NAALADL2: variants seen among roughly 807,000 people sequenced by gnomAD.
The protein encoded by NAALADL2 is N-acetylated alpha-linked acidic dipeptidase like 2, also known as inactive N-acetylated-alpha-linked acidic dipeptidase-like protein 2.
A neutral mutation model predicts 87.2 loss-of-function variants in NAALADL2; 76 were observed. The ratio of observed to expected loss-of-function variants is 0.87; its 90% CI spans 0.72 to 1.05. The LOEUF is 1.05. NAALADL2 is among the 50% of genes least tolerant of loss of function. The pLI is 0.00. For synonymous variants in NAALADL2, 354 were observed against 331.0 expected (o/e 1.07, Z -0.75); for missense variants, 1,089 against 945.8 (o/e 1.15, Z -1.99).
intron 2 of NAALADL2, among the ~76,000 whole-genome samples, chr3:174,582,648 C>T (rs1196999740): frequency 6.6e-6 from 1 of 151,142 alleles, no homozygotes; most frequent in Non-Finnish European, 1.5e-5. Context: ...GTGGTGTGAT[C>T]TCGGCTCACT....
At chr3:174,990,195 T>A (rs1000524637) in intron 1 of NAALADL2, among the ~76,000 whole-genome samples, 2 of 152,180 alleles carry the variant, frequency 1.3e-5, no homozygotes, top group African/African-American at 4.8e-5. Flanking sequence ...CATACCCACG[T>A]TGGTTCTAAG....
chr3:174,764,595 C>T (rs563732554), intron 3 of NAALADL2, among the ~76,000 whole-genome samples: 6 of 152,164 alleles, frequency 3.9e-5, no homozygotes, highest in Admixed American at 2.6e-4. Context: ...GGCTACAGAG[C>T]GACACTCTGT....
At chr3:175,547,581 C>T (rs1237807357) in intron 9 of NAALADL2, among the ~76,000 whole-genome samples, 1 of 152,110 alleles carries the variant, frequency 6.6e-6, no homozygotes, top group Admixed American at 6.6e-5. Flanking sequence ...AACTAAAGAG[C>T]TTCTGCACCG....
chr3:175,447,273 G>C lies in NAALADL2; in HGVS notation c.1135G>C (p.Val379Leu), dbSNP rs766636448. 6.2e-7 allele frequency: 1 copy of C among 1,605,334 alleles called. No homozygotes were observed. The highest frequency in any genetic ancestry group is 8.5e-7 in the Non-Finnish European group (1 of 1,174,944). Residue 379 changes from valine (V) to leucine (L), a missense_variant, in exon 6 of 14, where the codon GTG becomes CTG. Val to Leu is a conservative substitution (Grantham distance 32). Coordinates refer to ENST00000454872, the MANE Select transcript of NAALADL2 (RefSeq NM_207015.3). ...QSRSNLTSLLVQPISAPLVAK... is the reference protein window; with the variant it reads ...QSRSNLTSLLLQPISAPLVAK... ...CCGATCAAACCTCACCTCTCTATTA[G>C]TGCAGCCCATCTCTGCACCCCTCGT...
At chr3:175,438,487 A>T (rs536179733) in intron 5 of NAALADL2, among the ~76,000 whole-genome samples, 52 of 152,252 alleles carry the variant, frequency 3.4e-4, no homozygotes, top group Middle Eastern at 3.4e-3. Flanking sequence ...ATATTCCAGG[A>T]TAACATCACT....
At chr3:174,912,058 AAAG>A (rs937990538) in intron 1 of NAALADL2, among the ~76,000 whole-genome samples, 4 of 152,224 alleles carry the variant, frequency 2.6e-5, no homozygotes, top group East Asian at 3.9e-4. Context: ...TCACAGAAAT[AAAG>A]AAGGTCGGCT....
At chr3:174,747,999 A>G (rs1734439950) in intron 3 of NAALADL2, among the ~76,000 whole-genome samples, 2 of 152,140 alleles carry the variant, frequency 1.3e-5, no homozygotes, top group Admixed American at 1.3e-4. Flanking sequence ...GAACAAGATA[A>G]TGTTCTTTGC....
At chr3:174,750,525 G>A (rs1734723739) in intron 3 of NAALADL2, among the ~76,000 whole-genome samples, 1 of 152,136 alleles carries the variant, frequency 6.6e-6, no homozygotes, top group African/African-American at 2.4e-5. Context: ...CCACCTGCCA[G>A]GGGGTTCAAG....
chr3:174,575,967 G>A (rs1222319726), intron 2 of NAALADL2, among the ~76,000 whole-genome samples: 1 of 152,090 alleles, frequency 6.6e-6, no homozygotes, highest in African/African-American at 2.4e-5. Context: ...GGGTTAAAGC[G>A]ATGATCCTGC....
intron 10 of NAALADL2, among the ~76,000 whole-genome samples, chr3:175,604,703 A>G (rs985631730): frequency 6.6e-6 from 1 of 152,148 alleles, no homozygotes; most frequent in South Asian, 2.1e-4. Flanking sequence ...TACAGGTTAC[A>G]TATTTCTGCC....
chr3:175,640,549 A>G (rs907588185), intron 11 of NAALADL2, among the ~76,000 whole-genome samples: 6 of 152,174 alleles, frequency 3.9e-5, no homozygotes, highest in Non-Finnish European at 8.8e-5. Context: ...ATATGCATAG[A>G]TTACAAATGA....
intron 12 of NAALADL2, among the ~76,000 whole-genome samples, chr3:175,738,447 G>A (rs1165705169): frequency 3.9e-5 from 6 of 152,066 alleles, no homozygotes; most frequent in Non-Finnish European, 5.9e-5. Context: ...GGGTTTCACC[G>A]TGTTGTCCAG....
At chr3:174,460,280 A>G (rs538813228) in intron 1 of NAALADL2, among the ~76,000 whole-genome samples, 68 of 152,212 alleles carry the variant, frequency 4.5e-4, no homozygotes, top group Admixed American at 1.0e-3. Context: ...TCATGTATTA[A>G]AACAGTATGG....
intron 11 of NAALADL2, among the ~76,000 whole-genome samples, chr3:175,690,881 C>T (rs2149915552): frequency 6.6e-6 from 1 of 151,904 alleles, no homozygotes; most frequent in Non-Finnish European, 1.5e-5. Context: ...TTACACAGTC[C>T]TCAAACTCTA....
At chr3:174,683,380 A>G (rs1727732388) in intron 2 of NAALADL2, among the ~76,000 whole-genome samples, 1 of 152,136 alleles carries the variant, frequency 6.6e-6, no homozygotes, top group Non-Finnish European at 1.5e-5. Flanking sequence ...ATTAATTGAA[A>G]TTGTACCACA....
At chr3:175,471,982 C>T (rs1724975806) in intron 9 of NAALADL2, among the ~76,000 whole-genome samples, 1 of 151,954 alleles carries the variant, frequency 6.6e-6, no homozygotes, top group African/African-American at 2.4e-5. Context: ...TTCTAGAAGA[C>T]ATGAGTCACA....
intron 2 of NAALADL2, among the ~76,000 whole-genome samples, chr3:174,658,494 T>C (rs1184776833): frequency 6.6e-6 from 1 of 152,188 alleles, no homozygotes; most frequent in Admixed American, 6.5e-5. Context: ...TTAGAAATTT[T>C]TTTGTATATT....
chr3:175,735,131 C>T (rs564690894), intron 11 of NAALADL2, among the ~76,000 whole-genome samples: 34 of 152,272 alleles, frequency 2.2e-4, no homozygotes, highest in African/African-American at 7.5e-4. Context: ...GTTCAAAGTT[C>T]GACAAATCTC....
Position 174,703,499 on chromosome 3 carries a change from G to T in NAALADL2, c.-114-34142G>T, listed in dbSNP as rs376850569. ...GAATCATGAGAGTTTAGGATACATA[G>T]TGTTATCCTGACCACAGACATGATA... On this transcript the variant is annotated intron_variant, in intron 2 of 3. Transcript: ENST00000434257. 7.1e-4 allele frequency among the ~76,000 whole-genome samples: 108 copies of T among 152,214 alleles called. 1 individual carries two copies. The highest frequency in any genetic ancestry group is 2.3e-3 in the African/African-American group (95 of 41,528).
Sources: allele counts gnomAD v4.1 joint callset (sites outside exome capture counted in the v4.1 genomes callset), GRCh38; gene constraint gnomAD v4.1.1; transcripts MANE v1.5; gene names NCBI Gene and HGNC (gene_info 2026-07-23, HGNC 2026-07-21).